Variants in KHDRBS2 observed in about 807,000 individuals in gnomAD.
KHDRBS2 encodes the protein KH domain-containing, RNA-binding, signal transduction-associated protein 2.
In KHDRBS2, 26 loss-of-function variants were observed where a neutral mutation model predicts 44.3. The observed-to-expected ratio is 0.59, with a 90% confidence interval of 0.43 to 0.81. The LOEUF is 0.81. Ranked by LOEUF, KHDRBS2 falls within the 40% of genes least tolerant of loss-of-function variation. KHDRBS2 has a pLI of 0.00. For missense variants in KHDRBS2, 476 were observed against 433.1 expected (o/e 1.10, Z -0.88); for synonymous variants, 194 against 151.1 (o/e 1.28, Z -2.08).
At chr6:62,197,062 T>A (rs1241077068) in intron 1 of KHDRBS2, among the ~76,000 whole-genome samples, 1 of 152,100 alleles carries the variant, frequency 6.6e-6, no homozygotes, top group East Asian at 1.9e-4. Flanking sequence ...AAAATCACAC[T>A]GACAAAAGAA....
intron 4 of KHDRBS2, among the ~76,000 whole-genome samples, chr6:61,908,491 G>A (rs534462108): frequency 8.6e-5 from 13 of 151,936 alleles, no homozygotes; most frequent in Admixed American, 6.6e-4. Flanking sequence ...AAAATTAGCC[G>A]GGCGTGGTGG....
the KHDRBS2 span, among the ~76,000 whole-genome samples, chr6:61,548,048 G>T: frequency 1.3e-5 from 2 of 152,038 alleles, no homozygotes; most frequent in Non-Finnish European, 2.9e-5. Context: ...ACAGAGCAAA[G>T]AATTTACACA....
rs567397011 is a variant in KHDRBS2 at position 61,706,526 on chromosome 6, G to C, written c.894-9273C>G. Among the ~76,000 whole-genome samples the C allele has an allele frequency of 7.1e-4, 108 of 151,844 alleles. 4 individuals are homozygous for C. In the South Asian group the frequency reaches 0.022, roughly 30 times the overall value. On this transcript the variant is annotated intron_variant, in intron 7 of 8. Transcript: ENST00000281156. Reference sequence around the variant, plus strand: ...GCCAGGTAATGAGGCTTGGGTTTAAGGTATGGAAATTTGAGATCATTCTCT... The same window carrying C: ...GCCAGGTAATGAGGCTTGGGTTTAACGTATGGAAATTTGAGATCATTCTCT...
At chr6:61,598,913 A>C in the KHDRBS2 span, among the ~76,000 whole-genome samples, 11 of 140,034 alleles carry the variant, frequency 7.9e-5, no homozygotes, top group African/African-American at 2.9e-4. Flanking sequence ...AAAGAATTTA[A>C]ATTGTGTTTT....
chr6:62,080,376 A>C (rs1428381546), intron 2 of KHDRBS2, among the ~76,000 whole-genome samples: 1 of 152,144 alleles, frequency 6.6e-6, no homozygotes, highest in Admixed American at 6.6e-5. Flanking sequence ...TTCAAGGATA[A>C]TATCAAAAAC....
Position 62,262,473 on chromosome 6 carries a change from T to C in KHDRBS2, c.91+23385A>G, listed in dbSNP as rs149356395. On this transcript the variant is annotated intron_variant, in intron 1 of 8. Coordinates refer to ENST00000281156, the MANE Select transcript of KHDRBS2 (RefSeq NM_152688.4). The stretch of plus-strand genomic sequence containing the variant: ...ATCACAGAATTAATCGTTTCTGTCA[T>C]TGTCAGCAAAATCAAATACTCATAT... 2.5e-3 allele frequency among the ~76,000 whole-genome samples: 387 copies of C among 151,896 alleles called. 3 individuals carry two copies. Among genetic ancestry groups the C allele is most frequent in the African/African-American group, 8.5e-3 (352 of 41,530 alleles).
chr6:61,616,760 A>G, the KHDRBS2 span, among the ~76,000 whole-genome samples: 1 of 152,118 alleles, frequency 6.6e-6, no homozygotes, highest in Non-Finnish European at 1.5e-5. Flanking sequence ...TGGCTTGCAA[A>G]GTCCATTTAG....
intron 2 of KHDRBS2, among the ~76,000 whole-genome samples, chr6:62,079,056 G>A (rs184107228): frequency 4.5e-4 from 68 of 151,896 alleles, no homozygotes; most frequent in Non-Finnish European, 8.0e-4. Context: ...AAAATTCAGC[G>A]GGACATATCT....
the KHDRBS2 span, among the ~76,000 whole-genome samples, chr6:61,629,021 T>C: frequency 6.6e-6 from 1 of 152,206 alleles, no homozygotes; most frequent in East Asian, 1.9e-4. Context: ...AGCTACTAAT[T>C]CTTAATATAT....
chr6:61,633,579 A>G, the KHDRBS2 span, among the ~76,000 whole-genome samples: 1 of 152,046 alleles, frequency 6.6e-6, no homozygotes, highest in Non-Finnish European at 1.5e-5. Flanking sequence ...ATTTTTCTGC[A>G]TGTGCCATTT....
At chr6:62,212,285 A>G (rs1829190048) in intron 1 of KHDRBS2, among the ~76,000 whole-genome samples, 1 of 152,122 alleles carries the variant, frequency 6.6e-6, no homozygotes, top group Non-Finnish European at 1.5e-5. Context: ...TATGAAATAC[A>G]TAAAATATTA....
chr6:62,284,282 C>CG (rs1842177311), intron 1 of KHDRBS2, among the ~76,000 whole-genome samples: 1 of 151,918 alleles, frequency 6.6e-6, no homozygotes, highest in Admixed American at 6.6e-5. Flanking sequence ...CTCCAATTAG[C>CG]GGGTCAGAGA....
intron 2 of KHDRBS2, among the ~76,000 whole-genome samples, chr6:62,099,268 G>A (rs192311934): frequency 2.6e-5 from 4 of 152,190 alleles, no homozygotes; most frequent in Non-Finnish European, 5.9e-5. Flanking sequence ...ACACAGCTTT[G>A]TTTATGCCAG....
chr6:61,568,338 C>T, the KHDRBS2 span, among the ~76,000 whole-genome samples: 8 of 152,166 alleles, frequency 5.3e-5, no homozygotes, highest in South Asian at 1.5e-3. Context: ...CTTTAAGTTC[C>T]ATATGAATTT....
At chr6:61,850,370 G>GA (rs914934284) in intron 6 of KHDRBS2, among the ~76,000 whole-genome samples, 32 of 149,800 alleles carry the variant, frequency 2.1e-4, no homozygotes, top group African/African-American at 4.6e-4. Flanking sequence ...TAGTGCTTGG[G>GA]AAAAAAAAAT....
intron 2 of KHDRBS2, among the ~76,000 whole-genome samples, chr6:62,130,419 C>T (rs143224987): frequency 6.6e-6 from 1 of 152,082 alleles, no homozygotes; most frequent in Admixed American, 6.6e-5. Flanking sequence ...TACTTAAATT[C>T]TTGATTCATT....
chr6:61,962,191 T>A (rs2221325), intron 4 of KHDRBS2, among the ~76,000 whole-genome samples: 39,733 of 151,942 alleles, frequency 0.26, 5,566 homozygotes, highest in African/African-American at 0.33. Flanking sequence ...GAATGGCAGT[T>A]CTATTGTGTT....
the KHDRBS2 span, among the ~76,000 whole-genome samples, chr6:61,658,138 C>G: frequency 2.6e-5 from 4 of 151,892 alleles, no homozygotes; most frequent in Non-Finnish European, 4.4e-5. Context: ...AGTTTGCAGC[C>G]TAAATTGCAT....
chr6:61,908,313 G>T (rs1324599007), intron 4 of KHDRBS2, among the ~76,000 whole-genome samples: 1 of 152,080 alleles, frequency 6.6e-6, no homozygotes, highest in African/African-American at 2.4e-5. Flanking sequence ...TTAATTTTTA[G>T]TGGAAAATTT....
Sources: gnomAD v4.1 joint callset for allele counts (sites outside exome capture counted in the v4.1 genomes callset) on GRCh38, gnomAD v4.1.1 for gene constraint, MANE v1.5 for transcripts, NCBI Gene and HGNC (gene_info 2026-07-23, HGNC 2026-07-21) for gene names.